The following CHCHD6 variants were observed in gnomAD, a reference collection of about 807,000 sequenced individuals.
CHCHD6 encodes coiled-coil-helix-coiled-coil-helix domain containing 6.
Under a neutral mutation model 32.3 loss-of-function variants are expected in CHCHD6, and 28 were observed. The ratio of observed to expected loss-of-function variants is 0.87; its 90% confidence interval spans 0.64 to 1.19. CHCHD6 has a LOEUF of 1.19. CHCHD6 is among the 50% of genes most tolerant of loss of function. The pLI, the probability that CHCHD6 is intolerant of heterozygous loss-of-function variation, is 0.00. For missense variants in CHCHD6, 333 were observed against 307.0 expected, an observed-to-expected ratio of 1.08 and a Z score of -0.63; for synonymous variants, 122 against 117.5, an observed-to-expected ratio of 1.04 and a Z score of -0.25.
intron 4 of CHCHD6, among the ~76,000 whole-genome samples, chr3:126,827,136 G>C (rs1490790660): frequency 6.6e-6 from 1 of 152,130 alleles, no homozygotes; most frequent in Non-Finnish European, 1.5e-5. Flanking sequence ...ACACTGGAGA[G>C]GTGAGCAAGA....
intron 5 of CHCHD6, among the ~76,000 whole-genome samples, chr3:126,900,602 CT>C (rs35627042): frequency 0.038 from 4,397 of 116,736 alleles, 125 homozygotes; most frequent in East Asian, 0.15. Context: ...GTGTGACACA[CT>C]TTTTTTTTTT....
At chr3:126,766,380 A>G (rs1037254340) in intron 4 of CHCHD6, 1 of 510,118 alleles carries the variant, frequency 2.0e-6, no homozygotes, top group Non-Finnish European at 3.6e-6. Context: ...CCCAGTGCAC[A>G]TGGAAGTGAC....
At chr3:126,804,015 C>T (rs1307041249) in intron 4 of CHCHD6, among the ~76,000 whole-genome samples, 4 of 152,138 alleles carry the variant, frequency 2.6e-5, no homozygotes, top group South Asian at 2.1e-4. Flanking sequence ...TTTAAACCAA[C>T]GAGAACAAAG....
At chr3:126,727,259 A>G (rs1282367075) in intron 2 of CHCHD6, 73 bp downstream of exon 2, 27 of 1,069,564 alleles carry the variant, frequency 2.5e-5, no homozygotes, top group Non-Finnish European at 3.3e-5. Context: ...ACCCGAGCCC[A>G]CCTGATGGCG....
chr3:126,801,879 G>A (rs1939094205), intron 4 of CHCHD6, among the ~76,000 whole-genome samples: 1 of 152,148 alleles, frequency 6.6e-6, no homozygotes, highest in African/African-American at 2.4e-5. Context: ...CCAGAGGAAC[G>A]ATCAGACAGC....
intron 1 of CHCHD6, among the ~76,000 whole-genome samples, chr3:126,710,217 A>G (rs1934686490): frequency 6.6e-6 from 1 of 152,144 alleles, no homozygotes; most frequent in East Asian, 1.9e-4. Context: ...TCCCCATTGA[A>G]TTATCTTGGA....
rs3214780 is a variant in CHCHD6, at chr3:126,881,511, CA to C, written c.495+28785del. On this transcript the variant is annotated intron_variant, in intron 5 of 7. Transcript: ENST00000290913. ...ATATTGATTTAATACAAGTGTATAGCAAAACTTTTGTGAGAAAAGGTGTAAG... is the reference window on the plus strand; with the variant it reads ...ATATTGATTTAATACAAGTGTATAGCAAACTTTTGTGAGAAAAGGTGTAAG... 1.1e-3 allele frequency among the ~76,000 whole-genome samples: 165 copies of C among 152,298 alleles called. 3 individuals are homozygous for C. In the East Asian group the frequency reaches 0.024, roughly 22 times the overall value.
intron 6 of CHCHD6, among the ~76,000 whole-genome samples, chr3:126,943,850 A>T (rs1363373457): frequency 6.6e-6 from 1 of 152,200 alleles, no homozygotes. Flanking sequence ...GCCCTATAGG[A>T]ATCTGTTTTT....
At chr3:126,899,856 T>A (rs1192086438) in intron 5 of CHCHD6, among the ~76,000 whole-genome samples, 1 of 152,190 alleles carries the variant, frequency 6.6e-6, no homozygotes, top group Admixed American at 6.5e-5. Context: ...AAATTTGTGG[T>A]GACCTCATCT....
Position 126,727,111 on chromosome 3 carries a change from C to A in CHCHD6, c.121C>A (p.Pro41Thr). ...SENVVNRMKE[P>T]SSPPPAPTSS... ...AAACGTGGTGAACCGCATGAAGGAG[C>A]CCAGCTCTCCACCCCCTGCTCCCAC... Residue 41 changes from proline (P) to threonine (T), a missense_variant, in exon 2 of 8, where the codon CCC becomes ACC. Physicochemically the swap from Pro to Thr is conservative, Grantham distance 38. Transcript: ENST00000290913. 5.6e-6 allele frequency: 9 copies of A among 1,614,042 alleles called. No individual in the cohort carries two copies. Among genetic ancestry groups the A allele is most frequent in the Non-Finnish European group, 6.8e-6 (8 of 1,179,918 alleles).
At chr3:126,790,722 G>A (rs1248019580) in intron 4 of CHCHD6, among the ~76,000 whole-genome samples, 1 of 152,092 alleles carries the variant, frequency 6.6e-6, no homozygotes, top group Non-Finnish European at 1.5e-5. Context: ...TTAGCCATTC[G>A]TCTAATCTTT....
At chr3:126,922,528 T>C (rs2078265846) in intron 6 of CHCHD6, among the ~76,000 whole-genome samples, 1 of 152,258 alleles carries the variant, frequency 6.6e-6, no homozygotes, top group Non-Finnish European at 1.5e-5. Context: ...TCTCTCAGAA[T>C]GTACAGGATG....
intron 4 of CHCHD6, among the ~76,000 whole-genome samples, chr3:126,841,583 AGCATGATCTAGT>A (rs1277964922): frequency 6.6e-6 from 1 of 152,102 alleles, no homozygotes; most frequent in African/African-American, 2.4e-5. Flanking sequence ...TCTTTCCATA[AGCATGATCTAGT>A]GCCTTAGTAC....
At chr3:126,827,691 C>T (rs1035856519) in intron 4 of CHCHD6, among the ~76,000 whole-genome samples, 4 of 152,062 alleles carry the variant, frequency 2.6e-5, no homozygotes, top group African/African-American at 9.7e-5. Flanking sequence ...ATTGTTGTTA[C>T]AAAGTTAGAG....
intron 4 of CHCHD6, among the ~76,000 whole-genome samples, chr3:126,845,450 T>C (rs1385123347): frequency 6.6e-6 from 1 of 152,224 alleles, no homozygotes; most frequent in Non-Finnish European, 1.5e-5. Flanking sequence ...AGCTTCCTGC[T>C]TGGAATTTTT....
In CHCHD6 at chr3:126,853,794, A is replaced by G. The variant is rs574750117; in HGVS notation, c.495+1064A>G. ...GTGGCCCTTAACAAGTAAATCTTTC[A>G]CAGAGCAGTCTCATGCACAGGTTTG... On this transcript the variant is annotated intron_variant, in intron 5 of 7. Transcript: ENST00000290913. Among the ~76,000 whole-genome samples, 3 of 152,292 alleles carry G rather than the reference A, an allele frequency of 2.0e-5. No homozygotes were observed. In the South Asian group the frequency reaches 6.2e-4, roughly 32 times the overall value.
chr3:126,790,580 C>A (rs1938480165), intron 4 of CHCHD6, among the ~76,000 whole-genome samples: 1 of 152,154 alleles, frequency 6.6e-6, no homozygotes, highest in Non-Finnish European at 1.5e-5. Flanking sequence ...ATTTGATCTT[C>A]AATCATTGAT....
Position 126,772,337 on chromosome 3 carries a change from G to A in CHCHD6, c.411+39115G>A, listed in dbSNP as rs762378076. ...AGGATGGTCTTGATCTCCTGACCTC[G>A]TCCGCCTGCTTCAGCCTCCCAAAGT... On this transcript the variant is annotated intron_variant, in intron 4 of 7. Coordinates refer to ENST00000290913, the MANE Select transcript of CHCHD6 (RefSeq NM_032343.3). Among the ~76,000 whole-genome samples, 9 of 151,976 alleles carry A rather than the reference G, an allele frequency of 5.9e-5. No individual in the cohort carries two copies. The South Asian group carries it at 6.2e-4, about 11-fold the overall frequency.
At chr3:126,922,016 A>G (rs2078256427) in intron 6 of CHCHD6, among the ~76,000 whole-genome samples, 1 of 152,248 alleles carries the variant, frequency 6.6e-6, no homozygotes, top group African/African-American at 2.4e-5. Flanking sequence ...CCCTAGGTAG[A>G]TAACCTTTGA....
Sources: gnomAD v4.1 joint callset for allele counts (sites outside exome capture counted in the v4.1 genomes callset) on GRCh38, gnomAD v4.1.1 for gene constraint, MANE v1.5 for transcripts, NCBI Gene and HGNC (gene_info 2026-07-23, HGNC 2026-07-21) for gene names.